The following TMEM156 variants were observed in gnomAD, a reference collection of about 807,000 sequenced individuals.
TMEM156 encodes the protein transmembrane protein 156.
TMEM156 carries 28 observed loss-of-function variants against 30.5 expected under a neutral mutation model. The ratio of observed to expected loss-of-function variants is 0.92; its 90% CI spans 0.68 to 1.26. TMEM156 has a LOEUF of 1.26. TMEM156 is among the 50% of genes most tolerant of loss of function. The pLI, the probability that TMEM156 is intolerant of heterozygous loss-of-function variation, is 0.00. For missense variants in TMEM156, 351 were observed against 340.6 expected, an observed-to-expected ratio of 1.03 and a Z score of -0.24; for synonymous variants, 137 against 119.9, an observed-to-expected ratio of 1.14 and a Z score of -0.93.
intron 4 of TMEM156, 137 bp downstream of exon 4, chr4:38,988,714 C>A (rs3821986): frequency 3.1e-5 from 36 of 1,158,490 alleles, no homozygotes; most frequent in Non-Finnish European, 4.0e-5. Context: ...GTTTTATCTA[C>A]GTTTTTATTC....
At chr4:39,025,064 A>G (rs1350587102) in intron 1 of TMEM156, among the ~76,000 whole-genome samples, 1 of 152,062 alleles carries the variant, frequency 6.6e-6, no homozygotes, top group African/African-American at 2.4e-5. Context: ...AACAGTTGGA[A>G]TAGGCCGGGT....
rs772668704 is a variant in TMEM156 at position 38,998,842 on chromosome 4, G to A, written c.156C>T (p.Ser52=). Reference sequence around the variant, plus strand: ...GAAAAGTCACAAAAGAAAAATTTAAGGAGGAGAGTGAATAGGTAAAATTAG... The same window carrying A: ...GAAAAGTCACAAAAGAAAAATTTAAAGAGGAGAGTGAATAGGTAAAATTAG... The part of the protein sequence containing the change: ...LQSNFTYSLS[S]LNFSFVTFLQ... The change falls in exon 2 of 7, where the codon TCC becomes TCT. Residue 52 remains serine (S), a synonymous_variant. Transcript: ENST00000381938. 5.6e-6 allele frequency: 9 copies of A among 1,613,782 alleles called. No individual in the cohort carries two copies. The highest frequency in any genetic ancestry group is 1.7e-4 in the Middle Eastern group (1 of 6,056).
chr4:38,990,829 G>GGTTTTTTTTTTTTGTTTT (rs1560365229), intron 3 of TMEM156, among the ~76,000 whole-genome samples: 13 of 84,468 alleles, frequency 1.5e-4, no homozygotes, highest in Non-Finnish European at 2.9e-4. Context: ...TTTGTTTTCT[G>GGTTTTTTTTTTTTGTTTT]GTTTTTTTTT....
At chr4:38,997,671 T>C (rs1486213137) in intron 2 of TMEM156, among the ~76,000 whole-genome samples, 2 of 152,238 alleles carry the variant, frequency 1.3e-5, no homozygotes, top group Non-Finnish European at 2.9e-5. Context: ...AATTTCTCAA[T>C]GATCCATTTT....
At chr4:39,005,931 C>T (rs1319393279) in intron 1 of TMEM156, among the ~76,000 whole-genome samples, 2 of 152,156 alleles carry the variant, frequency 1.3e-5, no homozygotes, top group Non-Finnish European at 2.9e-5. Flanking sequence ...GACTCTCACT[C>T]TGTTGCCAGG....
intron 1 of TMEM156, 119 bp from the exon 2 acceptor site, chr4:38,999,028 C>T (rs969842282): frequency 2.7e-5 from 18 of 667,464 alleles, no homozygotes; most frequent in Non-Finnish European, 3.3e-5. Context: ...TTCAGCTTAT[C>T]AGAGACAAGA....
chr4:38,984,503 CA>C (rs1711825428), intron 5 of TMEM156, among the ~76,000 whole-genome samples: 1 of 151,944 alleles, frequency 6.6e-6, no homozygotes, highest in Admixed American at 6.6e-5. Flanking sequence ...CTTTGAACTA[CA>C]TTTTTTTTTT....
intron 2 of TMEM156, 132 bp from the exon 3 acceptor site, chr4:38,994,130 T>C (rs185963628): frequency 4.9e-6 from 4 of 812,574 alleles, no homozygotes; most frequent in East Asian, 5.4e-5. Flanking sequence ...ACTAAAAATA[T>C]ATACATATTT....
Position 38,967,456 on chromosome 4 carries a change from C to G in TMEM156, c.*224G>C, listed in dbSNP as rs1722397842. On this transcript the variant is annotated 3_prime_UTR_variant, in exon 7 of 7. Coordinates refer to ENST00000381938, the MANE Select transcript of TMEM156 (RefSeq NM_024943.3). ...CTCATAATGGCTTCTTGCAAACACT[C>G]TTGTTCCCTTGATCTCATGGAGCGA... The G allele has an allele frequency of 6.6e-6, 1 of 152,110 alleles. No homozygotes were observed. Among genetic ancestry groups the G allele is most frequent in the South Asian group, 2.1e-4 (1 of 4,826 alleles). The allele number at this position is 152,110 out of a possible 1,614,324, so 9.4% of individuals were successfully genotyped here. A position where few individuals can be genotyped will look rare whatever the true frequency, so the allele number is the denominator to read the frequency against.
Position 39,029,606 on chromosome 4 carries a change from C to T in TMEM156, c.88+2620G>A, listed in dbSNP as rs1408136627. Among the ~76,000 whole-genome samples the T allele has an allele frequency of 3.6e-5, 2 of 54,844 alleles. 1 individual carries two copies. The highest frequency in any genetic ancestry group is 2.3e-4 in the African/African-American group (2 of 8,688). 36.0% of individuals were successfully genotyped at this position (54,844 alleles called of 152,430 possible). On this transcript the variant is annotated intron_variant, in intron 1 of 6. Coordinates refer to ENST00000381938, the MANE Select transcript of TMEM156 (RefSeq NM_024943.3). ...GCGGGCGCCTGTAGTCCCAGCTACT[C>T]GGGAGGCTGAGGCAGGAGAATGGCG...
chr4:38,975,494 T>C (rs1722807995), intron 5 of TMEM156, among the ~76,000 whole-genome samples: 1 of 150,456 alleles, frequency 6.6e-6, no homozygotes, highest in Non-Finnish European at 1.5e-5. Context: ...GTGATTCTCA[T>C]ACCTCAGACT....
chr4:39,017,373 G>T (rs770943914), intron 1 of TMEM156, among the ~76,000 whole-genome samples: 4 of 151,734 alleles, frequency 2.6e-5, no homozygotes, highest in African/African-American at 9.7e-5. Context: ...TAGAGACGGG[G>T]TTTCATCGTG....
At chr4:39,025,252 G>A (rs918775295) in intron 1 of TMEM156, among the ~76,000 whole-genome samples, 3 of 149,402 alleles carry the variant, frequency 2.0e-5, no homozygotes, top group African/African-American at 7.4e-5. Context: ...GCAGGCTGCG[G>A]CAGAAGAATC....
chr4:39,010,704 T>G (rs952058709), intron 1 of TMEM156, among the ~76,000 whole-genome samples: 1 of 152,182 alleles, frequency 6.6e-6, no homozygotes, highest in Admixed American at 6.5e-5. Flanking sequence ...CGGAGAAAAC[T>G]GGCTAACCAT....
At chr4:38,993,390 T>TC (rs1380016139) in intron 3 of TMEM156, among the ~76,000 whole-genome samples, 2 of 151,698 alleles carry the variant, frequency 1.3e-5, no homozygotes, top group African/African-American at 4.8e-5. Flanking sequence ...AGTGATCGTG[T>TC]CACTGCACTC....
Position 38,986,438 on chromosome 4 carries a change from T to TG in TMEM156, c.740-20dup. The TG allele has an allele frequency of 1.3e-6, 2 of 1,557,784 alleles. No homozygotes were observed. Among genetic ancestry groups the TG allele is most frequent in the Non-Finnish European group, 1.8e-6 (2 of 1,129,228 alleles). ...CTATGACCTATTCCCAGAAAAGAAA[T>TG]GAAGTATTTAGATGATAAACAAGCG... On this transcript the variant is annotated intron_variant, in intron 4 of 6. Transcript: ENST00000381938.
At chr4:39,006,112 T>C (rs1577560236) in intron 1 of TMEM156, among the ~76,000 whole-genome samples, 1 of 152,130 alleles carries the variant, frequency 6.6e-6, no homozygotes, top group Non-Finnish European at 1.5e-5. Context: ...GCCAGGCTGG[T>C]CTCAAACTCC....
intron 1 of TMEM156, 55 bp from the exon 2 acceptor site, chr4:38,998,964 A>T: frequency 1.3e-6 from 2 of 1,494,278 alleles, no homozygotes; most frequent in South Asian, 1.3e-5. Context: ...AGTTTTTGGC[A>T]TTCAAATAAA....
intron 2 of TMEM156, among the ~76,000 whole-genome samples, chr4:38,998,045 A>G (rs1713049388): frequency 6.6e-6 from 1 of 152,246 alleles, no homozygotes; most frequent in African/African-American, 2.4e-5. Context: ...TGTTTTTTAA[A>G]GATTTACTAC....
Sources: allele counts gnomAD v4.1 joint callset (sites outside exome capture counted in the v4.1 genomes callset), GRCh38; gene constraint gnomAD v4.1.1; transcripts MANE v1.5; gene names NCBI Gene and HGNC (gene_info 2026-07-23, HGNC 2026-07-21).